The following AKAP9 variants were observed in gnomAD, a reference collection of about 807,000 sequenced individuals.
The protein encoded by AKAP9 is A-kinase anchoring protein 9.
A neutral mutation model predicts 488.5 loss-of-function variants in AKAP9; 311 were observed. The ratio of observed to expected loss-of-function variants is 0.64; its 90% CI spans 0.58 to 0.70. The LOEUF (loss-of-function observed/expected upper bound fraction) is 0.70. Ranked by LOEUF, AKAP9 falls within the 30% of genes least tolerant of loss-of-function variation. AKAP9 has a pLI of 0.00. For missense variants in AKAP9, 4,215 were observed against 4,374.5 expected, an observed-to-expected ratio of 0.96 and a Z score of 1.03; for synonymous variants, 1,462 against 1,483.5, an observed-to-expected ratio of 0.99 and a Z score of 0.33.
Position 92,077,776 on chromosome 7 carries a change from A to G in AKAP9, c.6846A>G (p.Lys2282=). 6.2e-7 allele frequency: 1 copy of G among 1,613,916 alleles called. No homozygotes were observed. Among genetic ancestry groups the G allele is most frequent in the Non-Finnish European group, 8.5e-7 (1 of 1,179,898 alleles). The change falls in exon 30 of 50, where the codon AAA becomes AAG. Residue 2282 remains lysine (K), a synonymous_variant. Transcript: ENST00000356239. ...STQDQHVLFG[K]FAQIIQEKEV... ...AAGACCAACATGTGCTATTTGGGAA[A>G]TTTGCTCAAATAATACAGGAAAAAG...
At chr7:92,064,486 C>CT (rs1344141501) in intron 24 of AKAP9, among the ~76,000 whole-genome samples, 2 of 152,102 alleles carry the variant, frequency 1.3e-5, no homozygotes, top group Non-Finnish European at 2.9e-5. Flanking sequence ...CAAAATAACT[C>CT]TAAGAGATCA....
At chr7:91,961,922 A>G (rs1354901575) in intron 1 of AKAP9, among the ~76,000 whole-genome samples, 1 of 152,176 alleles carries the variant, frequency 6.6e-6, no homozygotes, top group Admixed American at 6.5e-5. Flanking sequence ...TCAGGGTAAG[A>G]CATTTGCTTG....
chr7:92,093,538 G>A (rs540452715), intron 39 of AKAP9, among the ~76,000 whole-genome samples: 4 of 152,284 alleles, frequency 2.6e-5, no homozygotes, highest in South Asian at 2.1e-4. Context: ...AGTTCTGTGT[G>A]AGACTTGTAT....
chr7:91,958,877 C>CATTATT (rs199851004), intron 1 of AKAP9, among the ~76,000 whole-genome samples: 16 of 150,822 alleles, frequency 1.1e-4, no homozygotes, highest in East Asian at 5.9e-4. Context: ...TTGAAAACAT[C>CATTATT]ATTATTATTA....
At chr7:92,050,736 A>G (rs2130801218) in intron 21 of AKAP9, among the ~76,000 whole-genome samples, 1 of 152,276 alleles carries the variant, frequency 6.6e-6, no homozygotes, top group Middle Eastern at 3.4e-3. Context: ...CTTTCTACAA[A>G]TGACTCCTAA....
At position 92,108,616 on chromosome 7, in the gene AKAP9, T is replaced by G; in HGVS notation, c.11669T>G (p.Leu3890Arg). 2 of 1,614,170 alleles carry G rather than the reference T, an allele frequency of 1.2e-6. No homozygotes were observed. Among genetic ancestry groups the G allele is most frequent in the Middle Eastern group, 1.6e-4 (1 of 6,062 alleles). Residue 3890 changes from leucine to arginine, a missense_variant, in exon 49 of 50, where the codon CTT (leucine) becomes CGT (arginine). By Grantham distance (102) the Leu-to-Arg change is moderately radical. This residue lies in a region of AKAP9 where 253 missense variants were observed against 266.8 expected (regional missense o/e 0.95). Transcript: ENST00000356239. ...ITRLEALQRRLGTIQSGSTTQ... is the reference protein window; with the variant it reads ...ITRLEALQRRRGTIQSGSTTQ... ...CGGCTAGAGGCACTGCAAAGACGACTTGGAACTATACAGTCAGGTGCTCTG... is the reference window on the plus strand; with the variant it reads ...CGGCTAGAGGCACTGCAAAGACGACGTGGAACTATACAGTCAGGTGCTCTG...
intron 22 of AKAP9, among the ~76,000 whole-genome samples, chr7:92,054,336 T>C (rs969146621): frequency 1.4e-4 from 22 of 152,276 alleles, no homozygotes; most frequent in African/African-American, 5.1e-4. Context: ...AATAGTATAC[T>C]TCCCTTTAAC....
chr7:92,063,898 AG>A (rs1810334286), intron 24 of AKAP9, among the ~76,000 whole-genome samples: 1 of 152,114 alleles, frequency 6.6e-6, no homozygotes, highest in South Asian at 2.1e-4. Flanking sequence ...CTTCCACCTC[AG>A]CCTCCTGAGT....
rs761236914 is a variant in AKAP9, at chr7:92,022,875, A to G, written c.4014A>G (p.Glu1338=). The change falls in exon 14 of 50, where the codon GAA becomes GAG. Residue 1338 remains glutamate, a synonymous_variant. Transcript: ENST00000356239. ...ATCTTGAAAAAACTAAACTTGAAGA[A>G]CAAGTTCAAGAATTAGAAAGCCTCA... ...LQDLEKTKLE[E]QVQELESLIS... The G allele has an allele frequency of 2.4e-5, 39 of 1,610,730 alleles. No homozygotes were observed. The highest frequency in any genetic ancestry group is 6.7e-5 in the African/African-American group (5 of 74,806).
chr7:91,981,113 C>T (rs1796358544), intron 3 of AKAP9, among the ~76,000 whole-genome samples: 1 of 152,104 alleles, frequency 6.6e-6, no homozygotes. Context: ...AGTAATCTGG[C>T]CAGGAAAATA....
chr7:92,005,707 C>T (rs1464066224), intron 8 of AKAP9, among the ~76,000 whole-genome samples: 1 of 151,988 alleles, frequency 6.6e-6, no homozygotes, highest in Non-Finnish European at 1.5e-5. Context: ...ACTCTGTCAC[C>T]CGGGCTGGAG....
rs148580741 is a variant in AKAP9, at chr7:92,101,536, C to T, written c.11097+480C>T. Among the ~76,000 whole-genome samples the T allele has an allele frequency of 2.6e-3, 396 of 152,260 alleles. 1 individual carries two copies. Among genetic ancestry groups the T allele is most frequent in the African/African-American group, 9.2e-3 (384 of 41,540 alleles). On this transcript the variant is annotated intron_variant, in intron 45 of 49. Transcript: ENST00000356239. ...CAGGTCACAGAGGTTTCTGGAAAGGCATGCCCAGGACTGGGACCAGATTAA... is the reference window on the plus strand; with the variant it reads ...CAGGTCACAGAGGTTTCTGGAAAGGTATGCCCAGGACTGGGACCAGATTAA...
At chr7:92,040,971 A>G (rs1455706001) in intron 18 of AKAP9, 73 bp downstream of exon 18, 1 of 1,264,932 alleles carries the variant, frequency 7.9e-7, no homozygotes, top group Non-Finnish European at 1.1e-6. Context: ...CCAGATCCCC[A>G]ATTAAAACAA....
intron 1 of AKAP9, among the ~76,000 whole-genome samples, chr7:91,954,184 G>T (rs1792648443): frequency 6.6e-6 from 1 of 152,146 alleles, no homozygotes; most frequent in African/African-American, 2.4e-5. Context: ...TCTGTTTGTA[G>T]ATCAGCTTCC....
intron 15 of AKAP9, 118 bp downstream of exon 15, chr7:92,030,109 G>A: frequency 5.6e-6 from 4 of 715,580 alleles, no homozygotes; most frequent in South Asian, 5.6e-5. Flanking sequence ...ATAAATATGA[G>A]GATAATGCCT....
At chr7:91,948,678 C>G (rs1311250170) in intron 1 of AKAP9, among the ~76,000 whole-genome samples, 1 of 148,942 alleles carries the variant, frequency 6.7e-6, no homozygotes, top group African/African-American at 2.5e-5. Flanking sequence ...ATGGCGCAAC[C>G]TCAGCTCACT....
rs375137861 is a variant in AKAP9 at position 92,072,976 on chromosome 7, C to T, written c.6612+1967C>T. On this transcript the variant is annotated intron_variant, in intron 28 of 49. Coordinates refer to ENST00000356239, the MANE Select transcript of AKAP9 (RefSeq NM_005751.5). ...TAAGTGGTTGAAAAGGAGTTCCTCT[C>T]AGATTTCTGTGAGTCTGAAGCCCTT... Among the ~76,000 whole-genome samples, 4 of 152,270 alleles carry T rather than the reference C, an allele frequency of 2.6e-5. 1 individual carries two copies.
rs750847965 is a variant in AKAP9 at position 92,110,071 on chromosome 7, A to G, written c.11687-51A>G. ...GTGTGAACTCTGGTGGGTCTGATAC[A>G]GGTAGCAATGTAATTTGAAATCAGT... On this transcript the variant is annotated intron_variant, in intron 49 of 49. Transcript: ENST00000356239. 3.7e-6 allele frequency: 5 copies of G among 1,363,792 alleles called. No homozygotes were observed. The African/African-American group carries it at 5.7e-5, about 15-fold the overall frequency. The allele number at this position is 1,363,792 out of a possible 1,614,324, so 84.5% of individuals were successfully genotyped here.
chr7:92,038,505 G>A lies in AKAP9; in HGVS notation c.4425G>A (p.Lys1475=). 1 of 1,613,932 alleles carries A rather than the reference G, an allele frequency of 6.2e-7. No homozygotes were observed. The highest frequency in any genetic ancestry group is 1.1e-5 in the South Asian group (1 of 91,076). ...SGGKENTASS[K]QAHAVCQQEQ... ...GAAAAGAAAATACTGCATCATCAAAGCAAGCACATGCTGTGTGTCAGCAAG... is the reference window on the plus strand; with the variant it reads ...GAAAAGAAAATACTGCATCATCAAAACAAGCACATGCTGTGTGTCAGCAAG... The change falls in exon 17 of 50, where the codon AAG becomes AAA. Residue 1475 remains lysine, a synonymous_variant. Transcript: ENST00000356239.
Sources: gnomAD v4.1 joint callset for allele counts (sites outside exome capture counted in the v4.1 genomes callset) on GRCh38, gnomAD v4.1.1 for gene constraint, gnomAD v4.1.1 regional missense constraint, MANE v1.5 for transcripts, NCBI Gene and HGNC (gene_info 2026-07-23, HGNC 2026-07-21) for gene names.